Variants in DGKB observed in about 807,000 individuals in gnomAD.
DGKB encodes 90 kDa diacylglycerol kinase.
A neutral mutation model predicts 114.3 loss-of-function variants in DGKB; 67 were observed. The observed-to-expected ratio is 0.59, with a 90% CI of 0.48 to 0.72. The LOEUF (loss-of-function observed/expected upper bound fraction) is 0.72. DGKB is among the 30% of genes least tolerant of loss of function. The pLI is 0.00. For synonymous variants in DGKB, 398 were observed against 323.1 expected, an observed-to-expected ratio of 1.23 and a Z score of -2.49; for missense variants, 907 against 975.2, an observed-to-expected ratio of 0.93 and a Z score of 0.93.
intron 20 of DGKB, among the ~76,000 whole-genome samples, chr7:14,544,852 T>C (rs981851317): frequency 6.7e-6 from 1 of 148,442 alleles, no homozygotes; most frequent in Non-Finnish European, 1.5e-5. Context: ...CCCATCACAC[T>C]GTGTTTTTCC....
chr7:14,521,128 ACT>A (rs1011858721), intron 20 of DGKB, among the ~76,000 whole-genome samples: 3 of 152,062 alleles, frequency 2.0e-5, no homozygotes, highest in Non-Finnish European at 4.4e-5. Context: ...CTGCCTTCAA[ACT>A]CTGTGTGTTG....
At chr7:14,201,191 A>G (rs1289996469) in intron 23 of DGKB, among the ~76,000 whole-genome samples, 1 of 151,948 alleles carries the variant, frequency 6.6e-6, no homozygotes, top group Non-Finnish European at 1.5e-5. Flanking sequence ...ACCTTACAGG[A>G]TGGAAGGCTT....
chr7:14,291,065 C>A (rs1369126429), intron 23 of DGKB, among the ~76,000 whole-genome samples: 1 of 147,430 alleles, frequency 6.8e-6, no homozygotes. Flanking sequence ...TCACTTGATC[C>A]CAAGAGGCAG....
intron 1 of DGKB, among the ~76,000 whole-genome samples, chr7:14,950,042 G>A (rs200633633): frequency 2.6e-5 from 4 of 151,652 alleles, no homozygotes; most frequent in Non-Finnish European, 4.4e-5. Context: ...CATGGCACAC[G>A]TATACATATG....
intron 1 of DGKB, among the ~76,000 whole-genome samples, chr7:14,911,600 A>G (rs1031241795): frequency 2.0e-5 from 3 of 152,166 alleles, no homozygotes; most frequent in Non-Finnish European, 4.4e-5. Context: ...GGAACTGTTG[A>G]TAAATCTCTT....
At chr7:14,215,680 T>G (rs1286287199) in intron 23 of DGKB, among the ~76,000 whole-genome samples, 1 of 152,148 alleles carries the variant, frequency 6.6e-6, no homozygotes, top group African/African-American at 2.4e-5. Context: ...CTAATTAAAT[T>G]AATTCATGGT....
chr7:14,635,479 A>T (rs1213367305), intron 13 of DGKB, among the ~76,000 whole-genome samples: 2 of 151,402 alleles, frequency 1.3e-5, no homozygotes, highest in African/African-American at 4.8e-5. Flanking sequence ...TGTTTTCCTC[A>T]ATTATAGAAA....
At chr7:14,931,187 T>A (rs1435475764) in intron 1 of DGKB, among the ~76,000 whole-genome samples, 1 of 151,330 alleles carries the variant, frequency 6.6e-6, no homozygotes, top group East Asian at 2.0e-4. Flanking sequence ...TCTCAGCTCA[T>A]TGCAACCTCC....
chr7:14,759,161 G>T lies in DGKB; in HGVS notation c.71-1430C>A, dbSNP rs867170676. ...GCTGGTGTCGAACCCCTGACCTCAG[G>T]TGATCCACTCACCTTAGCCACCCAA... On this transcript the variant is annotated intron_variant, in intron 2 of 25. Transcript: ENST00000402815. Among the ~76,000 whole-genome samples the T allele has an allele frequency of 3.9e-5, 6 of 152,132 alleles. No individual in the cohort carries two copies. The South Asian group carries it at 6.2e-4, about 16-fold the overall frequency.
chr7:14,298,315 G>T (rs1802928446), intron 23 of DGKB, among the ~76,000 whole-genome samples: 1 of 152,194 alleles, frequency 6.6e-6, no homozygotes, highest in Admixed American at 6.5e-5. Context: ...ATACTACAAG[G>T]CTACATTAAC....
chr7:14,633,411 G>C (rs941548298), intron 13 of DGKB, among the ~76,000 whole-genome samples: 13 of 151,926 alleles, frequency 8.6e-5, no homozygotes, highest in South Asian at 8.3e-4. Flanking sequence ...CCAAGAATAA[G>C]AGTGACAAAA....
chr7:14,146,171 A>G lies in DGKB; in HGVS notation c.*2960T>C, dbSNP rs577232212. On this transcript the variant is annotated 3_prime_UTR_variant, in exon 26 of 26. Coordinates refer to ENST00000402815, the MANE Select transcript of DGKB (RefSeq NM_001350709.2). Reference sequence around the variant, plus strand: ...TGATCAGCATTTTCACATGAAATACATGGTGTACACAAGGAAGTGGAAAAA... The same window carrying G: ...TGATCAGCATTTTCACATGAAATACGTGGTGTACACAAGGAAGTGGAAAAA... 1.7e-4 allele frequency: 26 copies of G among 152,340 alleles called. No individual in the cohort carries two copies. The highest frequency in any genetic ancestry group is 6.0e-4 in the African/African-American group (25 of 41,586). 9.4% of individuals were successfully genotyped at this position (152,340 alleles called of 1,614,324 possible). A position where few individuals can be genotyped will look rare whatever the true frequency, so the allele number is the denominator to read the frequency against.
At chr7:14,162,389 T>G (rs117538514) in intron 25 of DGKB, among the ~76,000 whole-genome samples, 2,173 of 152,318 alleles carry the variant, frequency 0.014, 28 homozygotes, top group Non-Finnish European at 0.019. Flanking sequence ...TGCAAACTAA[T>G]GACAAAATTC....
chr7:14,963,841 C>A (rs919277647), intron 1 of DGKB, among the ~76,000 whole-genome samples: 3 of 152,068 alleles, frequency 2.0e-5, no homozygotes, highest in Non-Finnish European at 4.4e-5. Context: ...ATAAAATTGA[C>A]CACGTTACAG....
intron 13 of DGKB, among the ~76,000 whole-genome samples, chr7:14,633,706 G>A (rs1288160526): frequency 2.0e-5 from 3 of 151,700 alleles, no homozygotes; most frequent in East Asian, 3.9e-4. Context: ...TTTTTAATCA[G>A]AATTAATACA....
intron 23 of DGKB, among the ~76,000 whole-genome samples, chr7:14,215,633 C>T (rs1007754674): frequency 2.6e-5 from 4 of 151,946 alleles, no homozygotes; most frequent in South Asian, 2.1e-4. Context: ...TTCATTTTGC[C>T]GATGAGGAAA....
intron 15 of DGKB, among the ~76,000 whole-genome samples, chr7:14,620,690 G>A (rs1419144021): frequency 1.3e-5 from 2 of 151,608 alleles, no homozygotes; most frequent in East Asian, 3.9e-4. Flanking sequence ...GTTGAAGTAA[G>A]AAACACAGGT....
intron 2 of DGKB, among the ~76,000 whole-genome samples, chr7:14,784,495 C>G (rs1033015292): frequency 1.2e-4 from 18 of 151,858 alleles, no homozygotes; most frequent in African/African-American, 4.3e-4. Flanking sequence ...CCCACCTCAG[C>G]CTCCCCAGTA....
At chr7:14,899,972 CT>C (rs1444812952) in intron 1 of DGKB, among the ~76,000 whole-genome samples, 1 of 152,080 alleles carries the variant, frequency 6.6e-6, no homozygotes, top group Non-Finnish European at 1.5e-5. Context: ...TTTATTCCCC[CT>C]GAGTTTGAGT....
Sources: allele counts gnomAD v4.1 joint callset (sites outside exome capture counted in the v4.1 genomes callset), GRCh38; gene constraint gnomAD v4.1.1; transcripts MANE v1.5; gene names NCBI Gene and HGNC (gene_info 2026-07-23, HGNC 2026-07-21).